Variants in PLPPR5 observed in about 807,000 individuals in gnomAD.
The protein encoded by PLPPR5 is phospholipid phosphatase related 5.
A neutral mutation model predicts 33.9 loss-of-function variants in PLPPR5; 16 were observed. The ratio of observed to expected loss-of-function variants is 0.47; its 90% CI spans 0.32 to 0.72. PLPPR5 has a LOEUF of 0.72. PLPPR5 is among the 30% of genes least tolerant of loss of function. PLPPR5 has a pLI of 0.03. For missense variants in PLPPR5, 301 were observed against 406.7 expected (o/e 0.74, Z 2.23); for synonymous variants, 163 against 150.3 (o/e 1.08, Z -0.62).
intron 1 of PLPPR5, among the ~76,000 whole-genome samples, chr1:98,999,858 T>C (rs1388615440): frequency 6.6e-6 from 1 of 152,200 alleles, no homozygotes; most frequent in Non-Finnish European, 1.5e-5. Flanking sequence ...CAGATATAAA[T>C]AATCTGAGAT....
At chr1:99,005,308 A>G (rs183618531), upstream of PLPPR5, among the ~76,000 whole-genome samples, 18 of 152,244 alleles carry the variant, frequency 1.2e-4, 1 homozygote, top group East Asian at 3.1e-3. Flanking sequence ...ACCAAGGCGC[A>G]AAGTGCCGAT....
At chr1:99,001,671 G>GATAGAGATATATAT (rs1247519605) in intron 1 of PLPPR5, among the ~76,000 whole-genome samples, 2 of 102,196 alleles carry the variant, frequency 2.0e-5, no homozygotes, top group African/African-American at 3.9e-5. Flanking sequence ...GAAAGTTAAA[G>GATAGAGATATATAT]ATATATATAT....
At chr1:98,944,737 G>T (rs908495890) in intron 3 of PLPPR5, among the ~76,000 whole-genome samples, 2 of 152,170 alleles carry the variant, frequency 1.3e-5, no homozygotes, top group African/African-American at 4.8e-5. Flanking sequence ...CTCTGCAGCA[G>T]CAGGTACAGG....
chr1:98,933,591 G>T (rs1650063858), intron 3 of PLPPR5, among the ~76,000 whole-genome samples: 1 of 151,958 alleles, frequency 6.6e-6, no homozygotes, highest in Non-Finnish European at 1.5e-5. Context: ...GTGCAGAGAT[G>T]AAAAGCTGAG....
At chr1:98,922,139 A>G in intron 3 of PLPPR5, 81 bp from the exon 4 acceptor site, 1 of 1,300,044 alleles carries the variant, frequency 7.7e-7, no homozygotes, top group Non-Finnish European at 1.1e-6. Flanking sequence ...ATGTACAAAC[A>G]TATATTTATA....
In PLPPR5 at chr1:98,942,033, T is replaced by C. The variant is rs187531354; in HGVS notation, c.621+11037A>G. 8.0e-4 allele frequency among the ~76,000 whole-genome samples: 119 copies of C among 149,268 alleles called. 1 individual carries two copies. The highest frequency in any genetic ancestry group is 2.5e-3 in the African/African-American group (100 of 40,768). ...ACACATATACGTATACATATATATA[T>C]ACACATATACGTATATATGAGAGAT... On this transcript the variant is annotated intron_variant, in intron 3 of 5. Coordinates refer to ENST00000263177, the MANE Select transcript of PLPPR5 (RefSeq NM_001037317.2).
intron 3 of PLPPR5, among the ~76,000 whole-genome samples, chr1:98,923,937 G>A (rs1295211298): frequency 3.3e-5 from 5 of 152,196 alleles, no homozygotes; most frequent in Admixed American, 2.0e-4. Flanking sequence ...CTTGTATGAC[G>A]AGTGCGTATG....
chr1:98,980,245 G>A (rs1652017620), intron 1 of PLPPR5, among the ~76,000 whole-genome samples: 2 of 151,994 alleles, frequency 1.3e-5, no homozygotes. Context: ...CTCATAGTGT[G>A]TTCTTGCCAT....
At chr1:98,973,920 T>C (rs928552470) in intron 1 of PLPPR5, among the ~76,000 whole-genome samples, 3 of 151,994 alleles carry the variant, frequency 2.0e-5, no homozygotes, top group Admixed American at 1.3e-4. Flanking sequence ...GTCAGACCTA[T>C]GCTGCAGGAA....
At chr1:98,988,673 G>T (rs1433230134) in intron 1 of PLPPR5, among the ~76,000 whole-genome samples, 2 of 152,092 alleles carry the variant, frequency 1.3e-5, no homozygotes, top group Non-Finnish European at 2.9e-5. Flanking sequence ...CACAGATATT[G>T]ACACTATAAA....
chr1:98,965,792 T>A (rs1651426568), intron 1 of PLPPR5, among the ~76,000 whole-genome samples: 1 of 152,198 alleles, frequency 6.6e-6, no homozygotes, highest in Non-Finnish European at 1.5e-5. Flanking sequence ...CTCTAACTGG[T>A]GGTAACTCAA....
In PLPPR5 at chr1:98,892,936, G is replaced by A. The variant is rs1648328756; in HGVS notation, c.*136C>T. 1.2e-6 allele frequency: 1 copy of A among 848,128 alleles called. No individual in the cohort carries two copies. The highest frequency in any genetic ancestry group is 1.8e-5 in the African/African-American group (1 of 56,484). 52.5% of individuals were successfully genotyped at this position (848,128 alleles called of 1,614,324 possible). On this transcript the variant is annotated 3_prime_UTR_variant, in exon 6 of 6. Transcript: ENST00000263177. ...GTCTAGTGGGGGAAACAGATAGGTT[G>A]ACATTGATTTTAAAATTATAAAAAT...
intron 1 of PLPPR5, among the ~76,000 whole-genome samples, chr1:98,968,356 T>C (rs1651526630): frequency 6.6e-6 from 1 of 152,092 alleles, no homozygotes; most frequent in Admixed American, 6.6e-5. Context: ...GGGTTATTAG[T>C]AAGCTTTCCA....
At chr1:98,937,149 A>C (rs1650198549) in intron 3 of PLPPR5, among the ~76,000 whole-genome samples, 1 of 152,234 alleles carries the variant, frequency 6.6e-6, no homozygotes, top group South Asian at 2.1e-4. Flanking sequence ...CAGTCTGCCC[A>C]GGTGCAGGCA....
chr1:98,970,943 C>G (rs553151262), intron 1 of PLPPR5, among the ~76,000 whole-genome samples: 70 of 152,150 alleles, frequency 4.6e-4, no homozygotes, highest in African/African-American at 1.6e-3. Flanking sequence ...TGAACTTCTG[C>G]ACTTATCAGT....
chr1:98,911,425 C>T (rs74108770), intron 5 of PLPPR5, among the ~76,000 whole-genome samples: 3,396 of 152,258 alleles, frequency 0.022, 156 homozygotes, highest in African/African-American at 0.078. Context: ...AATGAATACT[C>T]ATCTGTAACA....
At chr1:99,000,281 T>C (rs919861678) in intron 1 of PLPPR5, among the ~76,000 whole-genome samples, 1 of 152,108 alleles carries the variant, frequency 6.6e-6, no homozygotes, top group Admixed American at 6.5e-5. Context: ...CAATGCAAAA[T>C]AAACTTGGAG....
chr1:98,963,571 C>G (rs761584767), intron 1 of PLPPR5, among the ~76,000 whole-genome samples: 2 of 152,158 alleles, frequency 1.3e-5, no homozygotes, highest in Non-Finnish European at 2.9e-5. Flanking sequence ...TGGTAACCGG[C>G]ACAGCCAGAG....
chr1:98,907,407 G>A (rs562185351), intron 5 of PLPPR5, among the ~76,000 whole-genome samples: 28 of 151,826 alleles, frequency 1.8e-4, no homozygotes, highest in Non-Finnish European at 2.5e-4. Context: ...TTGTCATGTC[G>A]GCCCTCGAAC....
Sources: gnomAD v4.1 joint callset for allele counts (sites outside exome capture counted in the v4.1 genomes callset) on GRCh38, gnomAD v4.1.1 for gene constraint, MANE v1.5 for transcripts, NCBI Gene and HGNC (gene_info 2026-07-23, HGNC 2026-07-21) for gene names.